SPTBN1: variants seen among roughly 807,000 people sequenced by gnomAD.
SPTBN1 encodes spectrin beta chain, non-erythrocytic 1.
A neutral mutation model predicts 266.4 loss-of-function variants in SPTBN1; 32 were observed. That is an observed-to-expected ratio of 0.12 (90% confidence interval 0.09 to 0.16). SPTBN1 has a LOEUF of 0.16. Ranked by LOEUF, SPTBN1 falls within the 10% of genes least tolerant of loss-of-function variation. SPTBN1 has a pLI of 1.00. For synonymous variants in SPTBN1, 1,336 were observed against 1,162.2 expected, an observed-to-expected ratio of 1.15 and a Z score of -3.04; for missense variants, 2,296 against 3,067.1, an observed-to-expected ratio of 0.75 and a Z score of 5.94.
At chr2:54,663,358 A>G (rs114812560) in intron 32 of SPTBN1, 11 of 152,324 alleles carry the variant, frequency 7.2e-5, no homozygotes, top group Middle Eastern at 3.4e-3. Context: ...GTAATCCACT[A>G]AAGTGTCAGC....
chr2:54,476,483 G>C (rs972358579), intron 1 of SPTBN1, among the ~76,000 whole-genome samples: 3 of 152,220 alleles, frequency 2.0e-5, no homozygotes, highest in African/African-American at 7.2e-5. Context: ...TAAATCTGGA[G>C]AATGCTGGGC....
intron 2 of SPTBN1, among the ~76,000 whole-genome samples, chr2:54,563,896 C>G (rs759052546): frequency 1.9e-4 from 29 of 152,126 alleles, no homozygotes; most frequent in Non-Finnish European, 4.1e-4. Flanking sequence ...GGTAGCTATT[C>G]TCGAACTTTT....
At chr2:54,471,800 A>AATTTTT (rs748708411) in intron 1 of SPTBN1, among the ~76,000 whole-genome samples, 25 of 102,718 alleles carry the variant, frequency 2.4e-4, no homozygotes, top group African/African-American at 8.8e-4. Context: ...TTTTTTATCG[A>AATTTTT]TTTTTTTTTT....
intron 3 of SPTBN1, among the ~76,000 whole-genome samples, chr2:54,606,488 G>T (rs1230951552): frequency 6.6e-6 from 1 of 152,144 alleles, no homozygotes; most frequent in Non-Finnish European, 1.5e-5. Flanking sequence ...AGAAGAAAAG[G>T]CCCCTGAACA....
At chr2:54,643,974 TATAATAACA>T (rs1184849037) in intron 19 of SPTBN1, among the ~76,000 whole-genome samples, 3 of 68,890 alleles carry the variant, frequency 4.4e-5, no homozygotes, top group African/African-American at 1.2e-4. Context: ...TCTGTCTCAA[TATAATAACA>T]ATAATAATAA....
intron 2 of SPTBN1, among the ~76,000 whole-genome samples, chr2:54,571,458 C>T (rs1392637323): frequency 6.6e-6 from 1 of 152,110 alleles, no homozygotes; most frequent in Non-Finnish European, 1.5e-5. Context: ...ATTCCACATC[C>T]GGGGAATCTT....
Position 54,643,141 on chromosome 2 carries a change from C to G in SPTBN1, c.4005+12C>G, listed in dbSNP as rs1679688386. The stretch of plus-strand genomic sequence containing the variant: ...ACAAAATCGAGAAGGTGAGTTAAAA[C>G]ATTTGATGTGGCCATGGTGAGAAAA... On this transcript the variant is annotated intron_variant, in intron 19 of 35. Transcript: ENST00000356805. 1 of 1,613,952 alleles carries G rather than the reference C, an allele frequency of 6.2e-7. No homozygotes were observed. Among genetic ancestry groups the G allele is most frequent in the Non-Finnish European group, 8.5e-7 (1 of 1,179,888 alleles).
At chr2:54,512,571 T>C (rs1669915587) in intron 1 of SPTBN1, among the ~76,000 whole-genome samples, 1 of 152,234 alleles carries the variant, frequency 6.6e-6, no homozygotes, top group Admixed American at 6.5e-5. Flanking sequence ...AAAAGGCAAA[T>C]GCTGGTGAGA....
chr2:54,492,343 TTTTTTG>T (rs1405114530), intron 1 of SPTBN1, among the ~76,000 whole-genome samples: 17 of 141,278 alleles, frequency 1.2e-4, no homozygotes, highest in African/African-American at 2.9e-4. Context: ...CTGCAGTTGT[TTTTTTG>T]TTTTTTTTTT....
At chr2:54,580,900 C>G (rs10167459) in intron 2 of SPTBN1, among the ~76,000 whole-genome samples, 11,521 of 152,024 alleles carry the variant, frequency 0.076, 1,409 homozygotes, top group African/African-American at 0.25. Context: ...GAGTTTGAAA[C>G]CAGCCTGGGC....
rs1177690760 is a variant in SPTBN1 at position 54,570,750 on chromosome 2, T to A, written c.149-28342T>A. Among the ~76,000 whole-genome samples, 3 of 152,350 alleles carry A rather than the reference T, an allele frequency of 2.0e-5. No individual in the cohort carries two copies. The East Asian group carries it at 5.8e-4, about 29-fold the overall frequency. On this transcript the variant is annotated intron_variant, in intron 2 of 35. Coordinates refer to ENST00000356805, the MANE Select transcript of SPTBN1 (RefSeq NM_003128.3). Reference sequence around the variant, plus strand: ...TCTGTTGGAATGTGACCTTAACATTTTGAATTATGTTTCTTAAGTAAGATA... The same window carrying A: ...TCTGTTGGAATGTGACCTTAACATTATGAATTATGTTTCTTAAGTAAGATA...
At chr2:54,551,021 G>C (rs1672538100) in intron 2 of SPTBN1, among the ~76,000 whole-genome samples, 3 of 152,124 alleles carry the variant, frequency 2.0e-5, no homozygotes, top group South Asian at 4.1e-4. Flanking sequence ...TCTTTTCACA[G>C]CTCCTGGAAA....
chr2:54,651,007 C>T (rs1468627312), intron 26 of SPTBN1, among the ~76,000 whole-genome samples: 1 of 152,174 alleles, frequency 6.6e-6, no homozygotes, highest in Admixed American at 6.5e-5. Flanking sequence ...TTTAATTTAC[C>T]TCTCTAAGCT....
intron 2 of SPTBN1, among the ~76,000 whole-genome samples, chr2:54,585,228 G>A (rs1444469928): frequency 2.6e-5 from 4 of 152,186 alleles, no homozygotes; most frequent in Non-Finnish European, 5.9e-5. Flanking sequence ...TGTGTTTAAA[G>A]CTTTGGTTAG....
At chr2:54,511,983 G>A (rs532790534) in intron 1 of SPTBN1, among the ~76,000 whole-genome samples, 24 of 152,298 alleles carry the variant, frequency 1.6e-4, no homozygotes, top group Admixed American at 7.8e-4. Flanking sequence ...ATAGAAGACA[G>A]TGACAGATCG....
At position 54,558,335 on chromosome 2, in the gene SPTBN1, A is replaced by G. The variant is rs557237167; in HGVS notation, c.148+31769A>G. On this transcript the variant is annotated intron_variant, in intron 2 of 35. Coordinates refer to ENST00000356805, the MANE Select transcript of SPTBN1 (RefSeq NM_003128.3). This position sits in a 1 kb window ranked among gnomAD's most constrained non-coding sequence, Gnocchi z 4.6. ...ATCAGGTGACATCACCGCCCAGCAC[A>G]CGGCGAGTGGCTCCTGATAAAATTA... 72 of 995,626 alleles carry G rather than the reference A, an allele frequency of 7.2e-5. No individual in the cohort carries two copies. The East Asian group carries it at 6.4e-3, about 88-fold the overall frequency. 61.7% of individuals were successfully genotyped at this position (995,626 alleles called of 1,614,324 possible). A position where few individuals can be genotyped will look rare whatever the true frequency, so the allele number is the denominator to read the frequency against.
intron 1 of SPTBN1, among the ~76,000 whole-genome samples, chr2:54,512,396 C>T (rs1032187191): frequency 3.9e-5 from 6 of 152,124 alleles, no homozygotes; most frequent in Admixed American, 2.0e-4. Flanking sequence ...CTTGTTGCTG[C>T]AGTGTTAATG....
intron 1 of SPTBN1, among the ~76,000 whole-genome samples, chr2:54,456,889 C>CGGCCCCTGACGCGGA (rs1192684737): frequency 1.3e-5 from 2 of 151,390 alleles, no homozygotes; most frequent in African/African-American, 4.8e-5. Flanking sequence ...CCGGGCGCGG[C>CGGCCCCTGACGCGGA]GGCCCCTGAC....
At chr2:54,656,887 C>G (rs1680703649) in intron 29 of SPTBN1, among the ~76,000 whole-genome samples, 2 of 152,194 alleles carry the variant, frequency 1.3e-5, no homozygotes, top group African/African-American at 4.8e-5. Context: ...CCAGCTTGTA[C>G]ACCAGGGACA....
Sources: gnomAD v4.1 joint callset for allele counts (sites outside exome capture counted in the v4.1 genomes callset) on GRCh38, gnomAD v4.1.1 for gene constraint, Gnocchi (gnomAD v3.1) non-coding constraint, MANE v1.5 for transcripts, NCBI Gene and HGNC (gene_info 2026-07-23, HGNC 2026-07-21) for gene names.